The following SLC26A7 variants were observed in gnomAD, a reference collection of about 807,000 sequenced individuals.
The protein encoded by SLC26A7 is solute carrier family 26 member 7, also known as anion exchange transporter.
A neutral mutation model predicts 82.5 loss-of-function variants in SLC26A7; 59 were observed. The observed-to-expected ratio is 0.72, with a 90% CI of 0.58 to 0.89. SLC26A7 has a LOEUF of 0.89. Among genes scored for constraint, SLC26A7 ranks in the 40% least tolerant of loss-of-function variants. The pLI is 0.00. For missense variants in SLC26A7, 820 were observed against 793.0 expected (o/e 1.03, Z -0.41); for synonymous variants, 271 against 274.3 (o/e 0.99, Z 0.12).
Position 91,390,742 on chromosome 8 carries a change from A to G in SLC26A7, c.1776+1304A>G, listed in dbSNP as rs1022077370. On this transcript the variant is annotated intron_variant, in intron 16 of 18. Transcript: ENST00000276609. ...CCCTGAGCTCTGGTTGTGTCTGTGCAGCTCAGGGAAGCTGCCACATTTTTA... is the reference window on the plus strand; with the variant it reads ...CCCTGAGCTCTGGTTGTGTCTGTGCGGCTCAGGGAAGCTGCCACATTTTTA... Among the ~76,000 whole-genome samples, 4 of 152,184 alleles carry G rather than the reference A, an allele frequency of 2.6e-5. No homozygotes were observed. In the East Asian group the frequency reaches 7.8e-4, roughly 30 times the overall value.
intron 5 of SLC26A7, among the ~76,000 whole-genome samples, chr8:91,328,977 A>G (rs556962084): frequency 6.6e-5 from 10 of 152,308 alleles, no homozygotes; most frequent in African/African-American, 2.4e-4. Flanking sequence ...CTCAATATAT[A>G]ATGAACTAAT....
At chr8:91,345,272 T>G (rs1481689759) in intron 9 of SLC26A7, among the ~76,000 whole-genome samples, 2 of 152,152 alleles carry the variant, frequency 1.3e-5, no homozygotes, top group East Asian at 1.9e-4. Flanking sequence ...TCTTCCTGGT[T>G]TCTTACCAGA....
rs1331532489 is a variant in SLC26A7 at position 91,383,931 on chromosome 8, G to A, written c.1676-5407G>A. Among the ~76,000 whole-genome samples, 3 of 152,112 alleles carry A rather than the reference G, an allele frequency of 2.0e-5. 1 individual carries two copies. In the South Asian group the frequency reaches 6.2e-4, roughly 32 times the overall value. Reference sequence around the variant, plus strand: ...AATCCTGGGCACAACAATGAATGCTGGATATTCAAGGATGAAGAAAGTAGA... The same window carrying A: ...AATCCTGGGCACAACAATGAATGCTAGATATTCAAGGATGAAGAAAGTAGA... On this transcript the variant is annotated intron_variant, in intron 15 of 18. Transcript: ENST00000276609.
At chr8:91,363,403 T>C in intron 12 of SLC26A7, 69 bp from the exon 13 acceptor site, 1 of 914,146 alleles carries the variant, frequency 1.1e-6, no homozygotes, top group Non-Finnish European at 1.7e-6. Flanking sequence ...TGACTACTTT[T>C]GGTTTCTTCA....
intron 9 of SLC26A7, 76 bp from the exon 10 acceptor site, chr8:91,351,734 C>T (rs1813720950): frequency 1.1e-5 from 10 of 907,312 alleles, no homozygotes; most frequent in Admixed American, 1.8e-5. Flanking sequence ...GAATTATCCC[C>T]CCCACCCCAT....
chr8:91,345,357 G>A (rs1013404213), intron 9 of SLC26A7, among the ~76,000 whole-genome samples: 3 of 152,108 alleles, frequency 2.0e-5, no homozygotes, highest in African/African-American at 4.8e-5. Context: ...GGGCTCCAGA[G>A]CCTGGGCTTG....
intron 2 of SLC26A7, among the ~76,000 whole-genome samples, chr8:91,259,857 A>T (rs1810913878): frequency 6.6e-6 from 1 of 152,096 alleles, no homozygotes. Flanking sequence ...ACCCTAGATT[A>T]ATTAAATCAG....
At chr8:91,262,637 C>T (rs937497721) in intron 2 of SLC26A7, among the ~76,000 whole-genome samples, 2 of 151,862 alleles carry the variant, frequency 1.3e-5, no homozygotes, top group Non-Finnish European at 2.9e-5. Flanking sequence ...CTATTGTAGG[C>T]CCACAAGAAT....
At chr8:91,301,580 T>G (rs1812166285) in intron 4 of SLC26A7, among the ~76,000 whole-genome samples, 1 of 152,082 alleles carries the variant, frequency 6.6e-6, no homozygotes, top group African/African-American at 2.4e-5. Flanking sequence ...ATTTTCTATT[T>G]TTATATTTGT....
At chr8:91,348,881 G>T (rs561413652) in intron 9 of SLC26A7, among the ~76,000 whole-genome samples, 1 of 152,216 alleles carries the variant, frequency 6.6e-6, no homozygotes, top group African/African-American at 2.4e-5. Context: ...TAGCTTAAGT[G>T]GGTTATTATA....
intron 5 of SLC26A7, among the ~76,000 whole-genome samples, chr8:91,329,673 A>G (rs964920836): frequency 2.2e-4 from 34 of 152,174 alleles, no homozygotes; most frequent in African/African-American, 7.7e-4. Flanking sequence ...AATACCACAT[A>G]AAACAGCAGA....
At chr8:91,225,938 G>A (rs1810232834) in intron 2 of SLC26A7, among the ~76,000 whole-genome samples, 1 of 152,118 alleles carries the variant, frequency 6.6e-6, no homozygotes, top group Non-Finnish European at 1.5e-5. Flanking sequence ...CTCCATGGAA[G>A]GTTGGGCTTA....
At chr8:91,344,002 A>G in intron 9 of SLC26A7, 4 of 950,444 alleles carry the variant, frequency 4.2e-6, no homozygotes, top group Non-Finnish European at 5.0e-6. Context: ...TCTGCTGGGT[A>G]CTGGTAAGAT....
intron 2 of SLC26A7, among the ~76,000 whole-genome samples, chr8:91,277,723 G>T (rs972607558): frequency 6.6e-6 from 1 of 152,084 alleles, no homozygotes; most frequent in Non-Finnish European, 1.5e-5. Flanking sequence ...CAGCTATCAA[G>T]AATTTTAATG....
At chr8:91,361,974 A>C (rs1814062476) in intron 11 of SLC26A7, among the ~76,000 whole-genome samples, 1 of 152,120 alleles carries the variant, frequency 6.6e-6, no homozygotes, top group Non-Finnish European at 1.5e-5. Context: ...GGAATGACCA[A>C]AAATCTGTAC....
At chr8:91,319,773 T>C (rs1812739485) in intron 5 of SLC26A7, among the ~76,000 whole-genome samples, 1 of 152,206 alleles carries the variant, frequency 6.6e-6, no homozygotes, top group Non-Finnish European at 1.5e-5. Context: ...TGTCGGCACA[T>C]GTGCAGTTTA....
At chr8:91,269,238 T>C (rs1328150137) in intron 2 of SLC26A7, among the ~76,000 whole-genome samples, 1 of 152,102 alleles carries the variant, frequency 6.6e-6, no homozygotes, top group African/African-American at 2.4e-5. Flanking sequence ...TCTTTTAGCT[T>C]AAAGAACTTT....
upstream of SLC26A7, among the ~76,000 whole-genome samples, chr8:91,245,719 G>A (rs927485451): frequency 2.0e-5 from 3 of 151,984 alleles, no homozygotes; most frequent in Admixed American, 1.3e-4. Context: ...AAAATACTGC[G>A]AGAGAATTTC....
chr8:91,212,214 T>G (rs1489683667), intron 1 of SLC26A7, among the ~76,000 whole-genome samples: 1 of 152,192 alleles, frequency 6.6e-6, no homozygotes, highest in Non-Finnish European at 1.5e-5. Flanking sequence ...TTGTCTGTAT[T>G]TGAACAATGA....
Sources: allele counts gnomAD v4.1 joint callset (sites outside exome capture counted in the v4.1 genomes callset), GRCh38; gene constraint gnomAD v4.1.1; transcripts MANE v1.5; gene names NCBI Gene and HGNC (gene_info 2026-07-23, HGNC 2026-07-21).